COL15A1: variants seen among roughly 807,000 people sequenced by gnomAD.
The protein encoded by COL15A1 is collagen type XV alpha 1 chain, also known as collagen alpha-1(XV) chain.
A neutral mutation model predicts 165.9 loss-of-function variants in COL15A1; 111 were observed. The ratio of observed to expected loss-of-function variants is 0.67; its 90% CI spans 0.57 to 0.78. The LOEUF (loss-of-function observed/expected upper bound fraction) is 0.78, where lower values mean the gene tolerates loss of function less well. Ranked by LOEUF, COL15A1 falls within the 30% of genes least tolerant of loss-of-function variation. The probability of loss-of-function intolerance (pLI) is 0.00; values close to 1 mark genes in which losing one functional copy is unlikely to be tolerated. For synonymous variants in COL15A1, 659 were observed against 674.8 expected, an observed-to-expected ratio of 0.98 and a Z score of 0.36; for missense variants, 1,745 against 1,789.7, an observed-to-expected ratio of 0.98 and a Z score of 0.45.
chr9:98,989,597 A>G (rs1405519978), intron 5 of COL15A1, among the ~76,000 whole-genome samples: 2 of 152,220 alleles, frequency 1.3e-5, no homozygotes, highest in Admixed American at 1.3e-4. Flanking sequence ...TCCTCTTCCA[A>G]GAATGGTGAT....
chr9:99,028,082 C>T (rs904765863), intron 16 of COL15A1, among the ~76,000 whole-genome samples: 7 of 152,148 alleles, frequency 4.6e-5, no homozygotes, highest in African/African-American at 7.2e-5. Context: ...TGCCTTGCAC[C>T]GTTGGATAGA....
At position 99,063,043 on chromosome 9, in the gene COL15A1, A is replaced by G; in HGVS notation, c.3592-7A>G. The G allele has an allele frequency of 6.3e-7, 1 of 1,595,958 alleles. No individual in the cohort carries two copies. Among genetic ancestry groups the G allele is most frequent in the Non-Finnish European group, 8.5e-7 (1 of 1,173,806 alleles). Reference sequence around the variant, plus strand: ...AGAACTGTTTCTTTTCCTCCTTTTCATAACAGCCACATCAGCTTCTGCCTC... The same window carrying G: ...AGAACTGTTTCTTTTCCTCCTTTTCGTAACAGCCACATCAGCTTCTGCCTC... On this transcript the variant is annotated splice_polypyrimidine_tract_variant and splice_region_variant and intron_variant, in intron 38 of 41. Transcript: ENST00000375001.
At chr9:98,982,790 C>A (rs796767799) in intron 2 of COL15A1, among the ~76,000 whole-genome samples, 32 of 152,160 alleles carry the variant, frequency 2.1e-4, no homozygotes, top group African/African-American at 7.7e-4. Flanking sequence ...TACAGGTGCA[C>A]ACCACCTGGC....
At chr9:99,037,982 C>A (rs192483271) in intron 21 of COL15A1, among the ~76,000 whole-genome samples, 15 of 152,044 alleles carry the variant, frequency 9.9e-5, no homozygotes, top group African/African-American at 3.6e-4. Context: ...GGGACCAGAT[C>A]GCATGCATTT....
At chr9:98,965,129 C>T (rs1446224897) in intron 2 of COL15A1, among the ~76,000 whole-genome samples, 1 of 152,170 alleles carries the variant, frequency 6.6e-6, no homozygotes, top group Non-Finnish European at 1.5e-5. Context: ...CCACCCTCTC[C>T]TTGGCAAGAA....
chr9:98,963,315 G>C (rs950817840), intron 2 of COL15A1, among the ~76,000 whole-genome samples: 1 of 152,168 alleles, frequency 6.6e-6, no homozygotes, highest in South Asian at 2.1e-4. Flanking sequence ...AACCCACTGG[G>C]AACCTGAGGC....
intron 8 of COL15A1, among the ~76,000 whole-genome samples, 160 bp from the exon 9 acceptor site, chr9:99,004,738 G>A (rs1439064939): frequency 1.3e-5 from 2 of 152,096 alleles, no homozygotes; most frequent in African/African-American, 2.4e-5. Flanking sequence ...GAGGAACCAG[G>A]CTTCCATATT....
At chr9:99,023,310 G>A (rs745990164) in intron 13 of COL15A1, 47 bp from the exon 14 acceptor site, 103 of 1,560,158 alleles carry the variant, frequency 6.6e-5, no homozygotes, top group Non-Finnish European at 8.2e-5. Flanking sequence ...GCTGTCCTTG[G>A]AGTCTGGCAG....
chr9:98,958,426 G>A (rs544105755), intron 2 of COL15A1, among the ~76,000 whole-genome samples: 1 of 152,198 alleles, frequency 6.6e-6, no homozygotes, highest in African/African-American at 2.4e-5. Context: ...GCAACTGTGT[G>A]TATTTGGTAC....
chr9:98,998,666 G>A (rs1838592097), intron 6 of COL15A1, among the ~76,000 whole-genome samples: 1 of 152,178 alleles, frequency 6.6e-6, no homozygotes, highest in Non-Finnish European at 1.5e-5. Flanking sequence ...GCTTTTCTCA[G>A]GGGTGGAATT....
rs937870368 is a variant in COL15A1 at position 99,028,381 on chromosome 9, G to A, written c.2043+2415G>A. ...AAGAATGATATAACAGGCTGGGTGCGGTGGCTCACACCTCTAATCCCAGCA... is the reference window on the plus strand; with the variant it reads ...AAGAATGATATAACAGGCTGGGTGCAGTGGCTCACACCTCTAATCCCAGCA... On this transcript the variant is annotated intron_variant, in intron 16 of 41. Coordinates refer to ENST00000375001, the MANE Select transcript of COL15A1 (RefSeq NM_001855.5). 9.9e-5 allele frequency among the ~76,000 whole-genome samples: 15 copies of A among 152,192 alleles called. No individual in the cohort carries two copies. In the South Asian group the frequency reaches 2.7e-3, roughly 27 times the overall value.
intron 2 of COL15A1, among the ~76,000 whole-genome samples, chr9:98,975,379 C>CA (rs1351595862): frequency 1.3e-5 from 2 of 152,208 alleles, no homozygotes; most frequent in East Asian, 3.8e-4. Context: ...CAGCCCATCG[C>CA]ACGGAAGGGG....
At chr9:98,982,775 G>T (rs1838252434) in intron 2 of COL15A1, among the ~76,000 whole-genome samples, 1 of 152,022 alleles carries the variant, frequency 6.6e-6, no homozygotes, top group African/African-American at 2.4e-5. Context: ...CTGGGTAGCG[G>T]GGACTACAGG....
At chr9:99,029,107 C>T (rs183962019) in intron 16 of COL15A1, among the ~76,000 whole-genome samples, 108 of 152,332 alleles carry the variant, frequency 7.1e-4, no homozygotes, top group Non-Finnish European at 1.2e-3. Flanking sequence ...TGCTTTTGCA[C>T]TGCAGATTCT....
rs1363027095 is a variant in COL15A1, at chr9:99,069,890, C to T, written c.*4C>T. On this transcript the variant is annotated 3_prime_UTR_variant, in exon 42 of 42. Transcript: ENST00000375001. ...CATGACAGACGCTAGGAAGTAATGG[C>T]CTTCTGATGATTCTTAAAGAGTTTT... 3.1e-6 allele frequency: 5 copies of T among 1,597,204 alleles called. No individual in the cohort carries two copies. Among genetic ancestry groups the T allele is most frequent in the Non-Finnish European group, 4.3e-6 (5 of 1,166,634 alleles).
intron 2 of COL15A1, among the ~76,000 whole-genome samples, chr9:98,975,940 A>G (rs1184632507): frequency 6.6e-6 from 1 of 152,258 alleles, no homozygotes; most frequent in African/African-American, 2.4e-5. Flanking sequence ...ACTAGAAGGA[A>G]TAGCATGAGT....
chr9:99,047,706 CA>C, intron 26 of COL15A1, 79 bp from the exon 27 acceptor site: 1 of 1,464,418 alleles, frequency 6.8e-7, no homozygotes, highest in Non-Finnish European at 9.6e-7. Flanking sequence ...CCACTGCCTG[CA>C]AAAGCGGGCT....
chr9:99,017,992 G>C (rs964706298), intron 11 of COL15A1, among the ~76,000 whole-genome samples: 1 of 152,016 alleles, frequency 6.6e-6, no homozygotes, highest in Non-Finnish European at 1.5e-5. Context: ...GGAGAGAAGG[G>C]GAATACTGGA....
At chr9:99,037,057 A>G (rs527382316) in intron 21 of COL15A1, among the ~76,000 whole-genome samples, 1 of 152,334 alleles carries the variant, frequency 6.6e-6, no homozygotes, top group South Asian at 2.1e-4. Flanking sequence ...TGGCTCTTTG[A>G]TAGTCTATTA....
Sources: allele counts gnomAD v4.1 joint callset (sites outside exome capture counted in the v4.1 genomes callset), GRCh38; gene constraint gnomAD v4.1.1; transcripts MANE v1.5; gene names NCBI Gene and HGNC (gene_info 2026-07-23, HGNC 2026-07-21).